Variants in BMAL2 observed in about 807,000 individuals in gnomAD.
BMAL2 encodes basic helix-loop-helix ARNT-like protein 2.
chr12:27,413,583 A>G, the BMAL2 span, among the ~76,000 whole-genome samples: 125,933 of 152,176 alleles, frequency 0.83, 52,748 homozygotes, highest in Middle Eastern at 0.94. Flanking sequence ...GACAGTAAGA[A>G]AGGAAGAATG....
the BMAL2 span, chr12:27,418,118 CCTT>C: frequency 6.2e-7 from 1 of 1,612,940 alleles, no homozygotes; most frequent in Non-Finnish European, 8.5e-7. Context: ...TCCACCAAGT[CCTT>C]CTGAAATGGG....
the BMAL2 span, among the ~76,000 whole-genome samples, chr12:27,416,918 A>G: frequency 5.3e-5 from 8 of 152,338 alleles, no homozygotes; most frequent in Admixed American, 1.3e-4. Context: ...AGCTATAATC[A>G]CACCACTGCA....
At chr12:27,397,150 A>G in the BMAL2 span, among the ~76,000 whole-genome samples, 1 of 152,050 alleles carries the variant, frequency 6.6e-6, no homozygotes, top group Admixed American at 6.5e-5. Flanking sequence ...GGCTCACTGC[A>G]ACCTCTGCCT....
At chr12:27,380,505 C>T in the BMAL2 span, 1 of 1,272,238 alleles carries the variant, frequency 7.9e-7, no homozygotes, top group African/African-American at 1.5e-5. Flanking sequence ...AGGTTCTATC[C>T]AGATGTGTCT....
chr12:27,365,584 A>C, the BMAL2 span, among the ~76,000 whole-genome samples: 84,241 of 151,648 alleles, frequency 0.56, 23,898 homozygotes, highest in East Asian at 0.75. Flanking sequence ...GTTTTTATTT[A>C]TTTTTGTTTC....
the BMAL2 span, among the ~76,000 whole-genome samples, chr12:27,343,996 C>T: frequency 6.6e-6 from 1 of 152,150 alleles, no homozygotes; most frequent in Non-Finnish European, 1.5e-5. Flanking sequence ...TAAAATTCTT[C>T]ATCTTTATTG....
chr12:27,358,432 A>G, the BMAL2 span, among the ~76,000 whole-genome samples: 1 of 152,210 alleles, frequency 6.6e-6, no homozygotes, highest in Non-Finnish European at 1.5e-5. Flanking sequence ...GAACACTTTT[A>G]CACTGCTGGT....
chr12:27,418,188 C>T, the BMAL2 span: 2 of 1,604,140 alleles, frequency 1.2e-6, no homozygotes, highest in African/African-American at 2.7e-5. Flanking sequence ...AGCCATGAGC[C>T]ACTCCTCAGT....
chr12:27,416,666 C>G, the BMAL2 span, among the ~76,000 whole-genome samples: 4 of 152,102 alleles, frequency 2.6e-5, no homozygotes, highest in Non-Finnish European at 4.4e-5. Flanking sequence ...CTTGAAAATA[C>G]AAATATCAGA....
chr12:27,375,290 TA>T, the BMAL2 span, among the ~76,000 whole-genome samples: 2 of 152,218 alleles, frequency 1.3e-5, no homozygotes, highest in Non-Finnish European at 2.9e-5. Flanking sequence ...TTATTTATGA[TA>T]TTGAAAATAT....
the BMAL2 span, among the ~76,000 whole-genome samples, chr12:27,362,295 C>T: frequency 2.6e-5 from 4 of 152,126 alleles, no homozygotes; most frequent in Non-Finnish European, 5.9e-5. Context: ...CATATTTGAT[C>T]TCATGTGGTA....
chr12:27,397,934 A>G, the BMAL2 span, among the ~76,000 whole-genome samples: 1 of 152,196 alleles, frequency 6.6e-6, no homozygotes, highest in South Asian at 2.1e-4. Flanking sequence ...TCCCCCCAGC[A>G]CCCACTACTG....
chr12:27,412,622 A>G, the BMAL2 span, among the ~76,000 whole-genome samples: 8 of 152,174 alleles, frequency 5.3e-5, no homozygotes, highest in Non-Finnish European at 8.8e-5. Context: ...GACACTTTCA[A>G]GAAAACCAAT....
chr12:27,410,594 G>T, the BMAL2 span, among the ~76,000 whole-genome samples: 14 of 152,142 alleles, frequency 9.2e-5, no homozygotes, highest in Admixed American at 6.5e-4. Context: ...AGGGCCTGTT[G>T]TGGGGTAGGG....
the BMAL2 span, among the ~76,000 whole-genome samples, chr12:27,395,119 T>C: frequency 1.3e-5 from 2 of 152,232 alleles, no homozygotes; most frequent in Non-Finnish European, 2.9e-5. Context: ...GAAAGAAATC[T>C]GAAAAGGCTC....
At chr12:27,421,383 T>C in the BMAL2 span, 1 of 152,112 alleles carries the variant, frequency 6.6e-6, no homozygotes, top group Non-Finnish European at 1.5e-5. Flanking sequence ...CCGTTTCTAC[T>C]AAAAATACAA....
chr12:27,411,993 T>G, the BMAL2 span, among the ~76,000 whole-genome samples: 8 of 152,192 alleles, frequency 5.3e-5, no homozygotes, highest in Non-Finnish European at 1.2e-4. Context: ...AGGTCCTAAG[T>G]TTAGTCTTTG....
chr12:27,403,181 A>G, the BMAL2 span, among the ~76,000 whole-genome samples: 5 of 152,198 alleles, frequency 3.3e-5, no homozygotes, highest in South Asian at 4.1e-4. Flanking sequence ...GAAACATTGA[A>G]GTAGTATTGC....
At chr12:27,420,019 G>GCGCACGCACA in the BMAL2 span, among the ~76,000 whole-genome samples, 15 of 147,568 alleles carry the variant, frequency 1.0e-4, no homozygotes, top group South Asian at 6.5e-4. Flanking sequence ...GTTTGCGCGT[G>GCGCACGCACA]CACACACACA....
Sources: gnomAD v4.1 joint callset for allele counts (sites outside exome capture counted in the v4.1 genomes callset) on GRCh38, gnomAD v4.1.1 for gene constraint, MANE v1.5 for transcripts, NCBI Gene and HGNC (gene_info 2026-07-23, HGNC 2026-07-21) for gene names.